Variants in DMD observed in about 807,000 individuals in gnomAD.
DMD encodes dystrophin, also known as mutant dystrophin.
DMD carries 63 observed loss-of-function variants against 330.1 expected under a neutral mutation model. That is an observed-to-expected ratio of 0.19 (90% CI 0.16 to 0.24). DMD has a LOEUF of 0.24. DMD is among the 10% of genes least tolerant of loss of function. The probability of loss-of-function intolerance (pLI) is 1.00; values close to 1 mark genes in which losing one functional copy is unlikely to be tolerated. For synonymous variants in DMD, 1,223 were observed against 959.8 expected (o/e 1.27, Z -5.07); for missense variants, 3,344 against 2,684.1 (o/e 1.25, Z -5.43).
At chrX:32,686,149 T>A (rs1057365927) in intron 9 of DMD, among the ~76,000 whole-genome samples, 27 of 111,832 alleles carry the variant, frequency 2.4e-4, no homozygotes, top group African/African-American at 7.5e-4. Context: ...ATTACATTTT[T>A]TCACTGATAT....
At chrX:32,342,729 A>G (rs946819067) in intron 40 of DMD, 8 of 283,309 alleles carry the variant, frequency 2.8e-5, no homozygotes, top group African/African-American at 2.2e-4. Flanking sequence ...AAAAAAACAT[A>G]TTTAGACAAT....
intron 7 of DMD, among the ~76,000 whole-genome samples, chrX:32,785,202 T>C (rs2075244461): frequency 1.0e-5 from 1 of 95,933 alleles, no homozygotes; most frequent in Admixed American, 1.1e-4. Context: ...TATAAAAGCA[T>C]TAAAAAAAAA....
At chrX:31,785,148 C>T in intron 50 of DMD, among the ~76,000 whole-genome samples, 1 of 112,079 alleles carries the variant, frequency 8.9e-6, no homozygotes, top group South Asian at 3.7e-4. Context: ...CATGGGTGTA[C>T]CTTGAAGACA....
Position 32,921,868 on chromosome X carries a change from C to T in DMD, c.94-72048G>A, listed in dbSNP as rs190287566. 9.0e-5 allele frequency among the ~76,000 whole-genome samples: 10 copies of T among 111,297 alleles called. No individual in the cohort carries two copies. The East Asian group carries it at 1.1e-3, about 13-fold the overall frequency. ...CCATCCATCCATTCATCCATCCATC[C>T]GTTTATCTCTTCATCCATCTCATGT... On this transcript the variant is annotated intron_variant, in intron 2 of 78. Coordinates refer to ENST00000357033, the MANE Select transcript of DMD (RefSeq NM_004006.3).
chrX:31,743,718 AAACT>A (rs1368926625), intron 51 of DMD, among the ~76,000 whole-genome samples: 13 of 111,765 alleles, frequency 1.2e-4, no homozygotes, highest in African/African-American at 3.6e-4. Context: ...AAGGGTTGAA[AAACT>A]AACTATCGGT....
At chrX:32,624,230 A>G (rs1057110182) in intron 11 of DMD, among the ~76,000 whole-genome samples, 17 of 112,082 alleles carry the variant, frequency 1.5e-4, no homozygotes, top group African/African-American at 4.5e-4. Context: ...GCAAAAGGTG[A>G]ATGGAGTATA....
At chrX:31,741,078 C>T (rs979993714) in intron 51 of DMD, among the ~76,000 whole-genome samples, 2 of 111,820 alleles carry the variant, frequency 1.8e-5, no homozygotes, top group African/African-American at 3.2e-5. Flanking sequence ...ACTCTGGATC[C>T]GCTGAAGTTT....
chrX:31,691,825 C>T (rs1372274438), intron 52 of DMD, among the ~76,000 whole-genome samples: 7 of 111,940 alleles, frequency 6.3e-5, no homozygotes, highest in Non-Finnish European at 1.9e-5. Context: ...TAGCCTATAA[C>T]ATAATAATAG....
intron 54 of DMD, among the ~76,000 whole-genome samples, chrX:31,653,167 A>G (rs2080560907): frequency 1.8e-5 from 2 of 111,368 alleles, no homozygotes; most frequent in Non-Finnish European, 3.8e-5. Context: ...GGAATAGAGA[A>G]GCAAAGAGTG....
Position 32,454,664 on chromosome X carries a change from T to G in DMD, c.3601A>C (p.Lys1201Gln), listed in dbSNP as rs1185291494. The change falls in exon 26 of 79, where the codon AAG becomes CAG. Residue 1201 changes from lysine (K) to glutamine (Q), a missense_variant and splice_region_variant. Lys to Gln is a moderately conservative substitution (Grantham distance 53). Coordinates refer to ENST00000357033, the MANE Select transcript of DMD (RefSeq NM_004006.3). ...DELQKAVEEMKRAKEEAQQKE... is the reference protein window; with the variant it reads ...DELQKAVEEMQRAKEEAQQKE... ...AGTTTTTCTTTTTTTTTTTTTACCT[T>G]CATCTCTTCAACTGCTTTCTGTAAT... 1 of 1,158,520 alleles carries G rather than the reference T, an allele frequency of 8.6e-7. No homozygotes were observed. Among genetic ancestry groups the G allele is most frequent in the East Asian group, 3.0e-5 (1 of 33,308 alleles).
chrX:33,026,353 A>AAAG (rs1295168544), intron 1 of DMD, among the ~76,000 whole-genome samples: 1 of 102,744 alleles, frequency 9.7e-6, no homozygotes, highest in African/African-American at 3.6e-5. Context: ...AAAAAGAAAG[A>AAAG]AAAGAAAATA....
At chrX:32,866,723 T>TGG (rs1298269829) in intron 2 of DMD, among the ~76,000 whole-genome samples, 9 of 8,993 alleles carry the variant, frequency 1.0e-3, no homozygotes, top group Non-Finnish European at 1.7e-3. Context: ...ACACTTTTTT[T>TGG]TGGGGGGGGG....
chrX:31,405,435 T>C (rs893321420), intron 60 of DMD, among the ~76,000 whole-genome samples: 1 of 111,886 alleles, frequency 8.9e-6, no homozygotes, highest in African/African-American at 3.2e-5. Context: ...GTCCCTTTAA[T>C]AGAATGATAA....
At chrX:32,699,023 T>C in intron 8 of DMD, 89 bp downstream of exon 8, 1 of 792,469 alleles carries the variant, frequency 1.3e-6, no homozygotes, top group Non-Finnish European at 1.9e-6. Context: ...TATATACATA[T>C]AAGTTATATA....
At chrX:32,771,090 T>A (rs1421114295) in intron 7 of DMD, among the ~76,000 whole-genome samples, 1 of 111,919 alleles carries the variant, frequency 8.9e-6, no homozygotes, top group Non-Finnish European at 1.9e-5. Flanking sequence ...AGCCTGGATC[T>A]GACTAGAAGT....
intron 59 of DMD, among the ~76,000 whole-genome samples, chrX:31,476,576 A>G (rs934192452): frequency 1.8e-5 from 2 of 108,620 alleles, no homozygotes; most frequent in Non-Finnish European, 3.8e-5. Context: ...CTGAGAAGGT[A>G]AGTCAAGGCT....
chrX:32,670,129 G>C (rs991728450), intron 9 of DMD, among the ~76,000 whole-genome samples: 1 of 111,373 alleles, frequency 9.0e-6, no homozygotes, highest in Non-Finnish European at 1.9e-5. Context: ...ATAATTTATG[G>C]TCCCAGAGGA....
intron 50 of DMD, among the ~76,000 whole-genome samples, chrX:31,787,556 T>C (rs1209587078): frequency 9.0e-6 from 1 of 111,492 alleles, no homozygotes; most frequent in Admixed American, 9.6e-5. Flanking sequence ...AGTTGCTGTT[T>C]CTTATGTGAA....
chrX:32,463,929 A>C (rs2148422305), intron 24 of DMD, among the ~76,000 whole-genome samples: 1 of 112,003 alleles, frequency 8.9e-6, no homozygotes, highest in South Asian at 3.7e-4. Flanking sequence ...TCATTTTCAA[A>C]CACAGGATAC....
Sources: gnomAD v4.1 joint callset for allele counts (sites outside exome capture counted in the v4.1 genomes callset) on GRCh38, gnomAD v4.1.1 for gene constraint, MANE v1.5 for transcripts, NCBI Gene and HGNC (gene_info 2026-07-23, HGNC 2026-07-21) for gene names.